The following NRXN1 variants were observed in gnomAD, a reference collection of about 807,000 sequenced individuals.
NRXN1 encodes the protein neurexin-1.
In NRXN1, 39 loss-of-function variants were observed where a neutral mutation model predicts 150.9. The observed-to-expected ratio is 0.26, with a 90% CI of 0.20 to 0.34. The LOEUF (loss-of-function observed/expected upper bound fraction) is 0.34. Ranked by LOEUF, NRXN1 falls within the 10% of genes least tolerant of loss-of-function variation. NRXN1 has a pLI of 1.00. For missense variants in NRXN1, 1,815 were observed against 1,949.9 expected (o/e 0.93, Z 1.30); for synonymous variants, 924 against 757.0 (o/e 1.22, Z -3.62).
chr2:50,842,313 A>T (rs1405405017), intron 5 of NRXN1, among the ~76,000 whole-genome samples: 1 of 152,220 alleles, frequency 6.6e-6, no homozygotes, highest in Non-Finnish European at 1.5e-5. Context: ...GAGCAGAAGG[A>T]AAAACATAGG....
chr2:50,508,413 T>TG (rs2092327858), intron 12 of NRXN1, among the ~76,000 whole-genome samples: 1 of 78,404 alleles, frequency 1.3e-5, no homozygotes, highest in Non-Finnish European at 3.4e-5. Context: ...AGTTCCAGGA[T>TG]GAAAAAAAAA....
chr2:50,558,286 C>T (rs556421733), intron 8 of NRXN1, among the ~76,000 whole-genome samples: 13 of 152,250 alleles, frequency 8.5e-5, no homozygotes, highest in Admixed American at 7.2e-4. Context: ...TCTTCATGAT[C>T]ATGTCTAATC....
chr2:50,155,726 G>GA (rs1417841701), intron 18 of NRXN1, among the ~76,000 whole-genome samples: 1 of 151,376 alleles, frequency 6.6e-6, no homozygotes, highest in East Asian at 1.9e-4. Flanking sequence ...TTATAACAGT[G>GA]AAAAACGGAA....
At chr2:50,334,256 C>T (rs2077040538) in intron 17 of NRXN1, among the ~76,000 whole-genome samples, 1 of 145,516 alleles carries the variant, frequency 6.9e-6, no homozygotes, top group Non-Finnish European at 1.5e-5. Context: ...AGGCAAAATA[C>T]ACACACATAC....
chr2:50,724,291 T>C (rs956782134), intron 5 of NRXN1, among the ~76,000 whole-genome samples: 10 of 152,304 alleles, frequency 6.6e-5, no homozygotes, highest in South Asian at 2.1e-4. Context: ...ATGAAGATGA[T>C]GAAATATTCC....
chr2:50,076,068 G>T (rs1409622273), intron 19 of NRXN1, among the ~76,000 whole-genome samples: 3 of 152,134 alleles, frequency 2.0e-5, no homozygotes, highest in Non-Finnish European at 4.4e-5. Flanking sequence ...ACACCATTCT[G>T]TTTTCTAAAA....
intron 5 of NRXN1, among the ~76,000 whole-genome samples, chr2:50,690,414 A>G (rs1691904761): frequency 6.6e-6 from 1 of 152,220 alleles, no homozygotes; most frequent in African/African-American, 2.4e-5. Context: ...CTTTATGTAC[A>G]GAATGAAAAC....
chr2:50,275,959 TATC>T (rs1476769151), intron 17 of NRXN1, among the ~76,000 whole-genome samples: 2 of 142,260 alleles, frequency 1.4e-5, no homozygotes, highest in East Asian at 4.1e-4. Flanking sequence ...TGATAATAAT[TATC>T]ATATTATTAC....
chr2:50,113,290 C>T (rs1303341197), intron 18 of NRXN1, among the ~76,000 whole-genome samples: 2 of 152,166 alleles, frequency 1.3e-5, no homozygotes, highest in Non-Finnish European at 2.9e-5. Flanking sequence ...TAAATATTTA[C>T]CATGCATCAT....
At chr2:50,226,181 T>A (rs542926051) in intron 18 of NRXN1, among the ~76,000 whole-genome samples, 4 of 151,976 alleles carry the variant, frequency 2.6e-5, no homozygotes, top group Non-Finnish European at 5.9e-5. Context: ...GAGTATATAT[T>A]TTTTCCTTTT....
intron 20 of NRXN1, 135 bp from the exon 21 acceptor site, chr2:50,053,725 C>T: frequency 1.2e-6 from 1 of 856,310 alleles, no homozygotes; most frequent in South Asian, 1.5e-5. Flanking sequence ...ACTCATAATT[C>T]ATTGCTTATA....
intron 5 of NRXN1, among the ~76,000 whole-genome samples, chr2:50,712,795 G>A (rs756274889): frequency 8.5e-5 from 13 of 152,104 alleles, no homozygotes; most frequent in Non-Finnish European, 1.6e-4. Context: ...CTTCATCCCA[G>A]GGTGCCAACC....
In NRXN1 at chr2:49,922,132, G is replaced by A; in HGVS notation, c.4336C>T (p.Leu1446Phe). 2 of 1,614,134 alleles carry A rather than the reference G, an allele frequency of 1.2e-6. No individual in the cohort carries two copies. Among genetic ancestry groups the A allele is most frequent in the South Asian group, 1.1e-5 (1 of 91,082 alleles). The change falls in exon 23 of 23, where the codon CTT becomes TTT. Residue 1446 changes from leucine to phenylalanine, a missense_variant. By Grantham distance (22) the Leu-to-Phe change is conservative. This residue lies in a region of NRXN1 where 265 missense variants were observed against 307.1 expected (regional missense o/e 0.86). Transcript: ENST00000401669. ...GIVAAAALCI[L>F]ILLYAMYKYR... is the part of the protein sequence containing the mutation. ...TTGTACATGGCATAGAGGAGGATAAGGATGCACAGGGCGGCAGCGGCTACT... is the reference window on the plus strand; with the variant it reads ...TTGTACATGGCATAGAGGAGGATAAAGATGCACAGGGCGGCAGCGGCTACT...
chr2:50,115,106 G>A (rs574305990), intron 18 of NRXN1, among the ~76,000 whole-genome samples: 26 of 151,244 alleles, frequency 1.7e-4, no homozygotes, highest in Admixed American at 1.7e-3. Context: ...TGCATGTGTA[G>A]GAGCAGAGAG....
chr2:50,352,806 A>G (rs114611309), intron 17 of NRXN1, among the ~76,000 whole-genome samples: 10 of 149,264 alleles, frequency 6.7e-5, no homozygotes, highest in African/African-American at 2.2e-4. Context: ...TAATAATAAT[A>G]ATGCCAGGCT....
chr2:50,912,695 T>C (rs556005800), intron 5 of NRXN1, among the ~76,000 whole-genome samples: 10 of 151,540 alleles, frequency 6.6e-5, no homozygotes, highest in African/African-American at 2.2e-4. Context: ...AGTGAGCTAC[T>C]TGAACATGTT....
chr2:50,877,266 C>T (rs1210021633), intron 5 of NRXN1, among the ~76,000 whole-genome samples: 1 of 151,662 alleles, frequency 6.6e-6, no homozygotes, highest in Non-Finnish European at 1.5e-5. Flanking sequence ...TTTATTTTTT[C>T]TATTGATTAT....
At chr2:49,983,403 T>C (rs1680322387) in intron 21 of NRXN1, among the ~76,000 whole-genome samples, 1 of 152,178 alleles carries the variant, frequency 6.6e-6, no homozygotes, top group Non-Finnish European at 1.5e-5. Flanking sequence ...TAAAAATGCT[T>C]TCTTTCCTTA....
At chr2:50,222,951 T>C (rs887262189) in intron 18 of NRXN1, among the ~76,000 whole-genome samples, 3 of 152,076 alleles carry the variant, frequency 2.0e-5, no homozygotes, top group Admixed American at 1.3e-4. Flanking sequence ...ACTCCCATCA[T>C]TGTTGTATTA....
Sources: gnomAD v4.1 joint callset for allele counts (sites outside exome capture counted in the v4.1 genomes callset) on GRCh38, gnomAD v4.1.1 for gene constraint, gnomAD v4.1.1 regional missense constraint, MANE v1.5 for transcripts, NCBI Gene and HGNC (gene_info 2026-07-23, HGNC 2026-07-21) for gene names.